Variants in RHBDL2 observed in about 807,000 individuals in gnomAD.
RHBDL2 encodes rhomboid like 2, also known as rhomboid-related protein 2.
In RHBDL2, 26 loss-of-function variants were observed where a neutral mutation model predicts 31.7. The observed-to-expected ratio is 0.82, with a 90% CI of 0.60 to 1.14. The LOEUF (loss-of-function observed/expected upper bound fraction) is 1.14, where lower values mean the gene tolerates loss of function less well. Among genes scored for constraint, RHBDL2 ranks in the 50% most tolerant of loss-of-function variants. The pLI is 0.00. For missense variants in RHBDL2, 336 were observed against 364.4 expected, an observed-to-expected ratio of 0.92 and a Z score of 0.63; for synonymous variants, 123 against 127.2, an observed-to-expected ratio of 0.97 and a Z score of 0.22.
intron 2 of RHBDL2, among the ~76,000 whole-genome samples, chr1:38,917,459 G>A (rs952972222): frequency 3.3e-5 from 5 of 152,172 alleles, no homozygotes; most frequent in African/African-American, 1.2e-4. Flanking sequence ...ATGGCAAACT[G>A]CCCTCCTCCA....
At chr1:38,917,023 T>C (rs1310699413) in intron 2 of RHBDL2, among the ~76,000 whole-genome samples, 1 of 146,762 alleles carries the variant, frequency 6.8e-6, no homozygotes, top group Admixed American at 6.7e-5. Flanking sequence ...CTTTCTTTTT[T>C]TTTTTTTTTT....
Position 38,919,173 on chromosome 1 carries a change from G to C in RHBDL2, c.40C>G (p.Leu14Val), listed in dbSNP as rs1195921263. Residue 14 changes from leucine (L) to valine (V), a missense_variant, in exon 2 of 8, where the codon CTG becomes GTG. Transcript: ENST00000372990. The part of the protein sequence containing the change: ...VHDLEMESMN[L>V]NMGREMKEEL... The stretch of plus-strand genomic sequence containing the variant: ...TCTTTCATCTCTCTCCCCATATTCA[G>C]ATTCATGCTCTCCATCTCCAGATCA... 4.3e-6 allele frequency: 7 copies of C among 1,613,822 alleles called. No homozygotes were observed. Among genetic ancestry groups the C allele is most frequent in the Non-Finnish European group, 5.9e-6 (7 of 1,180,000 alleles).
At chr1:38,929,355 T>G in intron 1 of RHBDL2, 1 of 1,266,378 alleles carries the variant, frequency 7.9e-7, no homozygotes, top group Non-Finnish European at 1.0e-6. Flanking sequence ...GGGAAAAGGA[T>G]TTGCCTCTTT....
At position 38,919,009 on chromosome 1, in the gene RHBDL2, G is replaced by A; in HGVS notation, c.204C>T (p.Cys68=). The change falls in exon 2 of 8, where the codon TGC becomes TGT. Residue 68 remains cysteine, a synonymous_variant. Coordinates refer to ENST00000372990, the MANE Select transcript of RHBDL2 (RefSeq NM_017821.5). ...AGATGATGAACACGGGAGGCGGGAA[G>A]CAGTTAGCTCTCTCCAAGTATGTTC... The part of the protein sequence containing the change: ...SRGTYLERAN[C]FPPPVFIISI... 6.2e-7 allele frequency: 1 copy of A among 1,614,142 alleles called. No individual in the cohort carries two copies. Among genetic ancestry groups the A allele is most frequent in the Non-Finnish European group, 8.5e-7 (1 of 1,180,002 alleles).
At chr1:38,918,867 C>T (rs1378013352) in intron 2 of RHBDL2, 100 bp downstream of exon 2, 3 of 1,440,296 alleles carry the variant, frequency 2.1e-6, no homozygotes, top group African/African-American at 1.4e-5. Context: ...AAGCTCTCTC[C>T]CATGTTCCCA....
chr1:38,920,379 G>T (rs1376976632), intron 1 of RHBDL2, among the ~76,000 whole-genome samples: 1 of 151,660 alleles, frequency 6.6e-6, no homozygotes, highest in African/African-American at 2.4e-5. Flanking sequence ...TGTTGGCCAG[G>T]CTAGTCTCGA....
intron 1 of RHBDL2, among the ~76,000 whole-genome samples, chr1:38,932,231 T>A (rs991529888): frequency 4.1e-4 from 61 of 149,136 alleles, no homozygotes; most frequent in African/African-American, 1.5e-3. Flanking sequence ...GTTGCCTGAT[T>A]TAAAAAAAAA....
chr1:38,912,083 T>G (rs1570927758), intron 3 of RHBDL2, among the ~76,000 whole-genome samples: 1 of 152,122 alleles, frequency 6.6e-6, no homozygotes, highest in Admixed American at 6.6e-5. Flanking sequence ...GCGATTCTCC[T>G]GCCTCAGCCT....
At chr1:38,924,454 C>T (rs1200998490) in intron 1 of RHBDL2, among the ~76,000 whole-genome samples, 1 of 151,950 alleles carries the variant, frequency 6.6e-6, no homozygotes, top group Non-Finnish European at 1.5e-5. Flanking sequence ...ATTAGCCAGG[C>T]GTGGTGGCGG....
intron 1 of RHBDL2, among the ~76,000 whole-genome samples, chr1:38,935,824 T>G (rs1451992057): frequency 6.6e-6 from 1 of 152,014 alleles, no homozygotes; most frequent in Admixed American, 6.6e-5. Context: ...ATGTCGCCCA[T>G]GCTGGTCTCG....
chr1:38,941,132 T>C (rs2124361269), intron 1 of RHBDL2, among the ~76,000 whole-genome samples: 1 of 152,304 alleles, frequency 6.6e-6, no homozygotes, highest in South Asian at 2.1e-4. Context: ...CAAACAGTGA[T>C]GAATAAACAA....
chr1:38,937,051 C>T (rs1643518509), intron 1 of RHBDL2, among the ~76,000 whole-genome samples: 1 of 151,384 alleles, frequency 6.6e-6, no homozygotes, highest in African/African-American at 2.4e-5. Context: ...GGGTTCACAC[C>T]ATTCTCCTGC....
chr1:38,911,638 GTGTGTGT>G (rs771059279), intron 3 of RHBDL2, among the ~76,000 whole-genome samples: 79 of 63,212 alleles, frequency 1.2e-3, no homozygotes, highest in Non-Finnish European at 2.9e-3. Context: ...GTGTGTGTGT[GTGTGTGT>G]GCGCGCGCGC....
intron 1 of RHBDL2, among the ~76,000 whole-genome samples, chr1:38,922,392 C>CTTTTTT (rs1393199719): frequency 1.0e-5 from 1 of 100,430 alleles, no homozygotes; most frequent in African/African-American, 4.5e-5. Context: ...CTCAGCCTCC[C>CTTTTTT]AAGTAGCTGG....
intron 1 of RHBDL2, among the ~76,000 whole-genome samples, chr1:38,933,822 A>G (rs1028473009): frequency 6.7e-6 from 1 of 150,078 alleles, no homozygotes; most frequent in Admixed American, 6.7e-5. Flanking sequence ...TCTGCCTTCT[A>G]GGTTCAAGCA....
intron 1 of RHBDL2, among the ~76,000 whole-genome samples, chr1:38,932,450 C>G (rs1416501525): frequency 6.6e-6 from 1 of 151,910 alleles, no homozygotes; most frequent in Non-Finnish European, 1.5e-5. Flanking sequence ...TAAAATGGCT[C>G]TTGGTTTTTC....
At chr1:38,917,552 CACAGCTGATTGAAACA>C (rs1441350932) in intron 2 of RHBDL2, among the ~76,000 whole-genome samples, 1 of 152,120 alleles carries the variant, frequency 6.6e-6, no homozygotes, top group Non-Finnish European at 1.5e-5. Context: ...AAGACACACA[CACAGCTGATTGAAACA>C]CAAGACAACC....
In RHBDL2 at chr1:38,935,077, C is replaced by A. The variant is rs552600662; in HGVS notation, c.-126+6605G>T. ...CCAAGATCAAATTTTTTGTCATAGT[C>A]TTTGTTAGAGACATGTTTTAAATAC... On this transcript the variant is annotated intron_variant, in intron 1 of 7. Transcript: ENST00000372990. 2.0e-5 allele frequency among the ~76,000 whole-genome samples: 3 copies of A among 152,066 alleles called. No homozygotes were observed. The South Asian group carries it at 6.2e-4, about 32-fold the overall frequency.
intron 4 of RHBDL2, among the ~76,000 whole-genome samples, chr1:38,906,500 C>T (rs530456496): frequency 2.6e-5 from 4 of 151,934 alleles, no homozygotes; most frequent in African/African-American, 9.7e-5. Flanking sequence ...CGGTGAAACC[C>T]TGCCCCTACT....
Sources: gnomAD v4.1 joint callset for allele counts (sites outside exome capture counted in the v4.1 genomes callset) on GRCh38, gnomAD v4.1.1 for gene constraint, MANE v1.5 for transcripts, NCBI Gene and HGNC (gene_info 2026-07-23, HGNC 2026-07-21) for gene names.